The following PCBP2 variants were observed in gnomAD, a reference collection of about 807,000 sequenced individuals.
PCBP2 encodes the protein poly(rC) binding protein 2.
Under a neutral mutation model 50.1 loss-of-function variants are expected in PCBP2, and 4 were observed. The ratio of observed to expected loss-of-function variants is 0.08; its 90% CI spans 0.04 to 0.18. PCBP2 has a LOEUF of 0.18. PCBP2 is among the 10% of genes least tolerant of loss of function. The pLI, the probability that PCBP2 is intolerant of heterozygous loss-of-function variation, is 1.00. For synonymous variants in PCBP2, 179 were observed against 168.0 expected, an observed-to-expected ratio of 1.07 and a Z score of -0.51; for missense variants, 161 against 474.3, an observed-to-expected ratio of 0.34 and a Z score of 6.14.
rs559422217 is a variant in PCBP2, at chr12:53,480,793, G to C, written c.*1351G>C. The C allele has an allele frequency of 1.3e-5, 2 of 152,506 alleles. No homozygotes were observed. The highest frequency in any genetic ancestry group is 2.9e-5 in the Non-Finnish European group (2 of 68,038). 9.4% of individuals were successfully genotyped at this position (152,506 alleles called of 1,614,324 possible). A position where few individuals can be genotyped will look rare whatever the true frequency, so the allele number is the denominator to read the frequency against. The stretch of plus-strand genomic sequence containing the variant: ...TGCAAAATGTGTAAACAGAGTAAAC[G>C]GAACAGAAAAGTGCAGTCTAAGTGG... On this transcript the variant is annotated 3_prime_UTR_variant, in exon 15 of 15. Coordinates refer to ENST00000546463, the MANE Select transcript of PCBP2 (RefSeq NM_031989.5).
chr12:53,466,200 C>T (rs1161237122), intron 10 of PCBP2, among the ~76,000 whole-genome samples: 3 of 152,230 alleles, frequency 2.0e-5, no homozygotes, highest in Non-Finnish European at 4.4e-5. Flanking sequence ...ATTAGCTTCT[C>T]CTTTCCCCCT....
chr12:53,475,641 G>T (rs894829324), intron 14 of PCBP2: 2 of 167,178 alleles, frequency 1.2e-5, no homozygotes, highest in Admixed American at 5.9e-5. Flanking sequence ...TAAAGTTGGC[G>T]CAGTAAGAAC....
At chr12:53,456,154 A>G in intron 5 of PCBP2, 153 bp downstream of exon 5, 1 of 645,494 alleles carries the variant, frequency 1.5e-6, no homozygotes, top group Non-Finnish European at 2.8e-6. Flanking sequence ...ACAAAATTCG[A>G]GCATTTGTAG....
At chr12:53,462,267 C>T (rs912604101) in intron 7 of PCBP2, among the ~76,000 whole-genome samples, 2 of 152,182 alleles carry the variant, frequency 1.3e-5, no homozygotes, top group South Asian at 2.1e-4. Flanking sequence ...GGACATCTCC[C>T]TTGATGAGAA....
chr12:53,462,558 A>T lies in PCBP2; in HGVS notation c.570A>T (p.Ala190=). 1.9e-6 allele frequency: 3 copies of T among 1,612,742 alleles called. No homozygotes were observed. Among genetic ancestry groups the T allele is most frequent in the Non-Finnish European group, 1.7e-6 (2 of 1,179,030 alleles). ...CGTCCAGCTCTCCGGTCATCTTTGC[A>T]GGTGGTCAGGTAAGAAAATTCTCAT... ...PKPSSSPVIF[A]GGQDRYSTGS... is the part of the protein sequence containing the mutation. The change falls in exon 8 of 15, where the codon GCA becomes GCT. Residue 190 remains alanine (A), a synonymous_variant. Coordinates refer to ENST00000546463, the MANE Select transcript of PCBP2 (RefSeq NM_031989.5).
intron 13 of PCBP2, 102 bp from the exon 14 acceptor site, chr12:53,471,536 C>A: frequency 1.7e-6 from 2 of 1,156,168 alleles, no homozygotes; most frequent in Non-Finnish European, 2.3e-6. Context: ...CACTGCACTC[C>A]AGCCTGGCCA....
chr12:53,460,342 A>G (rs764193816), intron 6 of PCBP2: 2 of 367,390 alleles, frequency 5.4e-6, no homozygotes, highest in African/African-American at 2.2e-5. Flanking sequence ...GACGAGTCTC[A>G]CTGTTTTGCT....
intron 9 of PCBP2, 74 bp from the exon 10 acceptor site, chr12:53,465,858 A>C: frequency 8.4e-7 from 1 of 1,188,952 alleles, no homozygotes; most frequent in Admixed American, 1.7e-5. Context: ...TGGCTAGTTG[A>C]AATGTCTTTT....
At chr12:53,453,682 C>T (rs1371005886) in intron 1 of PCBP2, among the ~76,000 whole-genome samples, 1 of 152,134 alleles carries the variant, frequency 6.6e-6, no homozygotes, top group Non-Finnish European at 1.5e-5. Context: ...CTTAAAATGT[C>T]ATTGGGGACA....
chr12:53,463,545 T>C (rs2137058155), intron 8 of PCBP2, among the ~76,000 whole-genome samples: 1 of 152,340 alleles, frequency 6.6e-6, no homozygotes, highest in South Asian at 2.1e-4. Flanking sequence ...ATAAGTAACC[T>C]AGAGATGATT....
intron 14 of PCBP2, among the ~76,000 whole-genome samples, chr12:53,472,785 T>TA (rs1273261805): frequency 6.6e-6 from 1 of 152,160 alleles, no homozygotes; most frequent in East Asian, 1.9e-4. Flanking sequence ...GCTAAGAACA[T>TA]ACCATTTCCC....
At chr12:53,458,431 G>A (rs370052234) in intron 5 of PCBP2, among the ~76,000 whole-genome samples, 7 of 151,456 alleles carry the variant, frequency 4.6e-5, no homozygotes, top group East Asian at 1.9e-4. Flanking sequence ...TCAGTCTCCC[G>A]AGAGTAGCCT....
At chr12:53,468,016 C>A in intron 12 of PCBP2, 173 bp downstream of exon 12, 1 of 603,526 alleles carries the variant, frequency 1.7e-6, no homozygotes, top group Non-Finnish European at 2.9e-6. Context: ...TGGATCTGGC[C>A]AACCCCCTTC....
intron 13 of PCBP2, among the ~76,000 whole-genome samples, chr12:53,469,098 C>T (rs961655518): frequency 2.0e-5 from 3 of 151,766 alleles, no homozygotes; most frequent in African/African-American, 7.3e-5. Flanking sequence ...GATGGAGTTT[C>T]TCCATGTTGG....
chr12:53,464,227 C>T (rs1223903572), intron 8 of PCBP2, among the ~76,000 whole-genome samples: 2 of 152,154 alleles, frequency 1.3e-5, no homozygotes, highest in East Asian at 3.8e-4. Context: ...CAGCAATCCT[C>T]TGTACTTAAA....
rs921445061 is a variant in PCBP2, at chr12:53,480,738, G to A, written c.*1296G>A. On this transcript the variant is annotated 3_prime_UTR_variant, in exon 15 of 15. Coordinates refer to ENST00000546463, the MANE Select transcript of PCBP2 (RefSeq NM_031989.5). ...GCCACCTGAGAAACCTCAGAGGGGA[G>A]GACCCAGCCTTAGCCTCCCTCCTCC... The A allele has an allele frequency of 6.6e-6, 1 of 152,574 alleles. No individual in the cohort carries two copies. The highest frequency in any genetic ancestry group is 2.4e-5 in the African/African-American group (1 of 41,394). The allele number at this position is 152,574 out of a possible 1,614,324, so 9.5% of individuals were successfully genotyped here.
At chr12:53,461,972 G>GT (rs1273862361) in intron 7 of PCBP2, among the ~76,000 whole-genome samples, 1 of 152,084 alleles carries the variant, frequency 6.6e-6, no homozygotes, top group Non-Finnish European at 1.5e-5. Context: ...GCCTTCCAAA[G>GT]TACTGGTATT....
At chr12:53,454,596 G>A (rs1940849060) in intron 1 of PCBP2, 130 bp from the exon 2 acceptor site, 2 of 580,008 alleles carry the variant, frequency 3.4e-6, no homozygotes, top group Admixed American at 5.6e-5. Context: ...TGCTTGGTGT[G>A]TATATAAGTC....
chr12:53,477,631 A>C lies in PCBP2; in HGVS notation c.1053-1775A>C, dbSNP rs191369821. On this transcript the variant is annotated intron_variant, in intron 14 of 14. Transcript: ENST00000546463. ...CAGTGAGCCGAGACCGCGCCACTGT[A>C]CTCCAGCCTGGGTGACAAAGCAAGA... 8.1e-3 allele frequency among the ~76,000 whole-genome samples: 1,002 copies of C among 124,462 alleles called. 13 individuals carry two copies. The highest frequency in any genetic ancestry group is 0.028 in the African/African-American group (926 of 33,172). 81.7% of individuals were successfully genotyped at this position (124,462 alleles called of 152,430 possible).
Sources: gnomAD v4.1 joint callset for allele counts (sites outside exome capture counted in the v4.1 genomes callset) on GRCh38, gnomAD v4.1.1 for gene constraint, MANE v1.5 for transcripts, NCBI Gene and HGNC (gene_info 2026-07-23, HGNC 2026-07-21) for gene names.